Variants in KMT2C observed in about 807,000 individuals in gnomAD.
KMT2C encodes the protein histone-lysine N-methyltransferase 2C.
In KMT2C, 88 loss-of-function variants were observed where a neutral mutation model predicts 507.9. The ratio of observed to expected loss-of-function variants is 0.17; its 90% CI spans 0.15 to 0.21. KMT2C has a LOEUF of 0.21. Ranked by LOEUF, KMT2C falls within the 10% of genes least tolerant of loss-of-function variation. The pLI is 1.00. For missense variants in KMT2C, 4,954 were observed against 5,957.8 expected, an observed-to-expected ratio of 0.83 and a Z score of 5.55; for synonymous variants, 2,049 against 2,080.8, an observed-to-expected ratio of 0.98 and a Z score of 0.42.
At position 152,177,653 on chromosome 7, in the gene KMT2C, C is replaced by A. The variant is rs1191258031; in HGVS notation, c.7800G>T (p.Pro2600=). ...GCATGGGGTCTGTGTGTCTAGGGCC[C>A]GGAAAGTCTGGCCGGGGAATGAAGT... ...HGNFIPRPDF[P]GPRHTDPMRR... Residue 2600 remains proline (P), a synonymous_variant, in exon 38 of 59, where the codon CCG becomes CCT. Transcript: ENST00000262189. The A allele has an allele frequency of 2.5e-6, 4 of 1,614,020 alleles. No individual in the cohort carries two copies. In the South Asian group the frequency reaches 4.4e-5, roughly 18 times the overall value.
chr7:152,163,236 A>G lies in KMT2C; in HGVS notation c.10341T>C (p.Ser3447=). 6.2e-7 allele frequency: 1 copy of G among 1,614,220 alleles called. No homozygotes were observed. The highest frequency in any genetic ancestry group is 1.1e-5 in the South Asian group (1 of 91,086). The part of the protein sequence containing the change: ...VGSEISSSRT[S]VSQIPFYSSD... ...AACTGTAGAAGGGAATCTGGGACACAGATGTCCTACTACTACTTATCTCAG... is the reference window on the plus strand; with the variant it reads ...AACTGTAGAAGGGAATCTGGGACACGGATGTCCTACTACTACTTATCTCAG... The change falls in exon 43 of 59, where the codon TCT becomes TCC. Residue 3447 remains serine (S), a synonymous_variant. Coordinates refer to ENST00000262189, the MANE Select transcript of KMT2C (RefSeq NM_170606.3).
chr7:152,355,166 G>A (rs2097142166), intron 2 of KMT2C, among the ~76,000 whole-genome samples: 1 of 152,122 alleles, frequency 6.6e-6, no homozygotes, highest in South Asian at 2.1e-4. Flanking sequence ...AAATGTGAAT[G>A]TATAAAATGT....
intron 12 of KMT2C, 145 bp from the exon 13 acceptor site, chr7:152,250,098 G>T: frequency 3.9e-6 from 2 of 515,526 alleles, no homozygotes; most frequent in Non-Finnish European, 6.8e-6. Flanking sequence ...TTATTAGTAA[G>T]TTATGAAGAC....
At chr7:152,350,111 G>C (rs778741574) in intron 2 of KMT2C, among the ~76,000 whole-genome samples, 2 of 152,036 alleles carry the variant, frequency 1.3e-5, no homozygotes, top group Non-Finnish European at 2.9e-5. Flanking sequence ...TCAGCTGGGC[G>C]TGGTGGCACA....
intron 6 of KMT2C, among the ~76,000 whole-genome samples, chr7:152,283,990 T>C (rs1322499681): frequency 6.6e-6 from 1 of 152,156 alleles, no homozygotes; most frequent in Non-Finnish European, 1.5e-5. Context: ...ATTTCCTTAT[T>C]GATCTACTAG....
chr7:152,159,457 T>C (rs2092312206), intron 43 of KMT2C, among the ~76,000 whole-genome samples: 1 of 152,178 alleles, frequency 6.6e-6, no homozygotes, highest in African/African-American at 2.4e-5. Context: ...GTGGTCTTGG[T>C]GAGTTATTTT....
chr7:152,279,367 T>G (rs959994769), intron 6 of KMT2C, among the ~76,000 whole-genome samples: 7 of 152,044 alleles, frequency 4.6e-5, no homozygotes, highest in Non-Finnish European at 7.4e-5. Context: ...ACTAAAGAAT[T>G]AAAATAAATA....
At chr7:152,180,310 C>T (rs34333312) in intron 36 of KMT2C, among the ~76,000 whole-genome samples, 184 bp from the exon 37 acceptor site, 7,562 of 152,186 alleles carry the variant, frequency 0.05, 316 homozygotes, top group East Asian at 0.17. Flanking sequence ...CATGCGCCAC[C>T]GTGCCTGACA....
At chr7:152,198,524 G>C (rs2094032792) in intron 27 of KMT2C, among the ~76,000 whole-genome samples, 1 of 152,128 alleles carries the variant, frequency 6.6e-6, no homozygotes, top group Non-Finnish European at 1.5e-5. Flanking sequence ...GAACCATAGG[G>C]GAGAAGTGGG....
intron 23 of KMT2C, among the ~76,000 whole-genome samples, chr7:152,219,299 C>T (rs2094690264): frequency 6.6e-6 from 1 of 152,088 alleles, no homozygotes; most frequent in African/African-American, 2.4e-5. Flanking sequence ...TTATTTTTAC[C>T]ATGGGACTTG....
At chr7:152,345,662 C>G (rs1465605171) in intron 2 of KMT2C, among the ~76,000 whole-genome samples, 1 of 151,982 alleles carries the variant, frequency 6.6e-6, no homozygotes, top group African/African-American at 2.4e-5. Flanking sequence ...GTAGCTGGGA[C>G]AGTACCCGCC....
chr7:152,415,527 C>G (rs1352579837), intron 1 of KMT2C, among the ~76,000 whole-genome samples: 1 of 152,086 alleles, frequency 6.6e-6, no homozygotes, highest in Non-Finnish European at 1.5e-5. Context: ...TAGAATGCCC[C>G]CACCCCAATA....
At chr7:152,229,608 CT>C (rs2129150659) in intron 18 of KMT2C, among the ~76,000 whole-genome samples, 1 of 152,198 alleles carries the variant, frequency 6.6e-6, no homozygotes, top group South Asian at 2.1e-4. Flanking sequence ...CAGTTCTCAG[CT>C]TTTTAAATCA....
intron 6 of KMT2C, among the ~76,000 whole-genome samples, chr7:152,289,346 G>A (rs1352599634): frequency 6.6e-6 from 1 of 152,118 alleles, no homozygotes; most frequent in Non-Finnish European, 1.5e-5. Context: ...TATCACTGAT[G>A]AAGCAGCAAA....
chr7:152,137,677 C>A (rs1003832463), intron 58 of KMT2C: 4 of 152,212 alleles, frequency 2.6e-5, no homozygotes, highest in African/African-American at 7.2e-5. Flanking sequence ...TCTGCTGAGT[C>A]CTTCCAAGAG....
At chr7:152,194,864 T>C (rs1307447192) in intron 28 of KMT2C, among the ~76,000 whole-genome samples, 1 of 151,180 alleles carries the variant, frequency 6.6e-6, no homozygotes, top group Non-Finnish European at 1.5e-5. Context: ...AAAAAAAAGC[T>C]TAAGATAGGA....
chr7:152,369,879 G>A (rs1022179450), intron 1 of KMT2C, among the ~76,000 whole-genome samples: 1 of 142,748 alleles, frequency 7.0e-6, no homozygotes, highest in Admixed American at 6.7e-5. Flanking sequence ...ACTAAAACAG[G>A]AATGAAAGGG....
chr7:152,430,184 G>GAAAAAAAAAAAA (rs59960992), intron 1 of KMT2C, among the ~76,000 whole-genome samples: 2 of 87,134 alleles, frequency 2.3e-5, no homozygotes, highest in Non-Finnish European at 2.5e-5. Flanking sequence ...TCAAAAAAAA[G>GAAAAAAAAAAAA]AAAAAAAAAA....
At chr7:152,250,168 T>C (rs1677488326) in intron 12 of KMT2C, among the ~76,000 whole-genome samples, 1 of 152,234 alleles carries the variant, frequency 6.6e-6, no homozygotes, top group South Asian at 2.1e-4. Context: ...CTCTTTTTCT[T>C]TAACAACTAG....
Sources: gnomAD v4.1 joint callset for allele counts (sites outside exome capture counted in the v4.1 genomes callset) on GRCh38, gnomAD v4.1.1 for gene constraint, MANE v1.5 for transcripts, NCBI Gene and HGNC (gene_info 2026-07-23, HGNC 2026-07-21) for gene names.